The following CDKN2B-AS1 variants were observed in gnomAD, a reference collection of about 807,000 sequenced individuals.
The protein encoded by CDKN2B-AS1 is CDKN2B and CDKN2A antisense cis and trans regulatory RNA 1.
chr9:22,089,028 GTCAAC>G (rs903850394), intron 4 of CDKN2B-AS1, among the ~76,000 whole-genome samples: 9 of 152,262 alleles, frequency 5.9e-5, no homozygotes, highest in African/African-American at 2.2e-4. Context: ...TTTTTACATT[GTCAAC>G]TGTGCAAAAA....
intron 4 of CDKN2B-AS1, among the ~76,000 whole-genome samples, chr9:22,086,680 G>C (rs2131336400): frequency 6.6e-6 from 1 of 152,252 alleles, no homozygotes; most frequent in Admixed American, 6.5e-5. Context: ...CAGGGTCTGA[G>C]GCAGCTGGGA....
intron 4 of CDKN2B-AS1, among the ~76,000 whole-genome samples, chr9:22,083,345 G>C (rs1824762662): frequency 6.6e-6 from 1 of 152,332 alleles, no homozygotes; most frequent in Non-Finnish European, 1.5e-5. Flanking sequence ...AGGGGATGCA[G>C]AGTGCCCACT....
At chr9:22,118,162 C>G (rs1826002263) in intron 4 of CDKN2B-AS1, 1 of 152,224 alleles carries the variant, frequency 6.6e-6, no homozygotes, top group Non-Finnish European at 1.5e-5. Context: ...ATGAGCCATT[C>G]TCTCCACATT....
At position 22,005,112 on chromosome 9, in the gene CDKN2B-AS1, A is replaced by ATGTGTGTGTGTGTGTGTG. The variant is rs3028393; in HGVS notation, n.29+9964_29+9981dup. ...CATAAGGGGATTTCCGCATCCTAGC[A>ATGTGTGTGTGTGTGTGTG]TGTGTGTGTGTGTGTGTGTGTGTGT... On this transcript the variant is annotated intron_variant and non_coding_transcript_variant, in intron 1 of 4. Transcript: ENST00000650946. This position sits in a 1 kb window ranked among gnomAD's most constrained non-coding sequence, Gnocchi z 4.9. 6 of 222,400 alleles carry ATGTGTGTGTGTGTGTGTG rather than the reference A, an allele frequency of 2.7e-5. No homozygotes were observed. In the East Asian group the frequency reaches 3.8e-4, roughly 14 times the overall value. 13.8% of individuals were successfully genotyped at this position (222,400 alleles called of 1,614,324 possible). A position where few individuals can be genotyped will look rare whatever the true frequency, so the allele number is the denominator to read the frequency against.
At chr9:22,109,673 A>G (rs1414182020) in intron 4 of CDKN2B-AS1, among the ~76,000 whole-genome samples, 1 of 152,134 alleles carries the variant, frequency 6.6e-6, no homozygotes, top group Non-Finnish European at 1.5e-5. Flanking sequence ...ATTACATATG[A>G]GATGTCATCT....
chr9:22,078,087 C>G (rs556391792), intron 4 of CDKN2B-AS1, among the ~76,000 whole-genome samples: 109 of 152,172 alleles, frequency 7.2e-4, no homozygotes, highest in African/African-American at 2.6e-3. Flanking sequence ...CTATCCTGGT[C>G]CCTTTCTATT....
intron 4 of CDKN2B-AS1, among the ~76,000 whole-genome samples, chr9:22,101,665 A>AACACACAC (rs748040681): frequency 0.014 from 1,770 of 125,462 alleles, 37 homozygotes; most frequent in African/African-American, 0.046. Flanking sequence ...AACCCTCTTC[A>AACACACAC]ACACACACAC....
chr9:22,079,047 T>G (rs1824598609), intron 4 of CDKN2B-AS1, among the ~76,000 whole-genome samples: 1 of 152,236 alleles, frequency 6.6e-6, no homozygotes, highest in Admixed American at 6.5e-5. Flanking sequence ...TGTCAATATC[T>G]GGAAGATATT....
In CDKN2B-AS1 at chr9:22,005,716, C is replaced by A. The variant is rs1821139367; in HGVS notation, n.29+10555C>A. On this transcript the variant is annotated intron_variant and non_coding_transcript_variant, in intron 1 of 4. Coordinates refer to ENST00000650946, the Ensembl canonical transcript of CDKN2B-AS1. This position sits in a 1 kb window ranked among gnomAD's most constrained non-coding sequence, Gnocchi z 4.9. ...CAGAAAACCCTGAAAAGCAAACGAC[C>A]CCTGGAATGTCACACACTCCTAAAT... 3.5e-6 allele frequency: 2 copies of A among 569,682 alleles called. No individual in the cohort carries two copies. Among genetic ancestry groups the A allele is most frequent in the Non-Finnish European group, 3.1e-6 (1 of 318,304 alleles). 35.3% of individuals were successfully genotyped at this position (569,682 alleles called of 1,614,324 possible).
In CDKN2B-AS1 at chr9:22,006,009, A is replaced by T. The variant is rs755144182; in HGVS notation, n.29+10848A>T. 2 of 1,603,412 alleles carry T rather than the reference A, an allele frequency of 1.2e-6. No homozygotes were observed. The highest frequency in any genetic ancestry group is 1.7e-6 in the Non-Finnish European group (2 of 1,179,722). Reference sequence around the variant, plus strand: ...GCGTCAGTCCCCCGTGGCTGTGCGCAGGTACCCTGCAACGTCGCGGTGGCC... The same window carrying T: ...GCGTCAGTCCCCCGTGGCTGTGCGCTGGTACCCTGCAACGTCGCGGTGGCC... On this transcript the variant is annotated intron_variant and non_coding_transcript_variant, in intron 1 of 4. Coordinates refer to ENST00000650946, the Ensembl canonical transcript of CDKN2B-AS1. This position sits in a 1 kb window ranked among gnomAD's most constrained non-coding sequence, Gnocchi z 6.4.
chr9:22,123,377 C>G (rs536134428), intron 4 of CDKN2B-AS1, among the ~76,000 whole-genome samples: 46 of 152,232 alleles, frequency 3.0e-4, no homozygotes, highest in African/African-American at 1.0e-3. Context: ...GCTAGGACTT[C>G]CATTACTGTG....
At chr9:22,112,766 C>T (rs1206545496) in intron 4 of CDKN2B-AS1, among the ~76,000 whole-genome samples, 4 of 151,948 alleles carry the variant, frequency 2.6e-5, no homozygotes, top group Admixed American at 2.0e-4. Context: ...GTATAATTTA[C>T]CTGAAATATT....
At chr9:22,049,091 A>C (rs994048582) in intron 2 of CDKN2B-AS1, 2 of 152,110 alleles carry the variant, frequency 1.3e-5, no homozygotes, top group East Asian at 1.9e-4. Context: ...CTAATACACT[A>C]TGTGGTTCTT....
At chr9:22,088,036 G>T (rs1044917052) in intron 4 of CDKN2B-AS1, among the ~76,000 whole-genome samples, 1 of 152,150 alleles carries the variant, frequency 6.6e-6, no homozygotes, top group African/African-American at 2.4e-5. Context: ...ACAATCAGAA[G>T]AACTAAAAGA....
chr9:22,011,925 T>G (rs1304253129), intron 1 of CDKN2B-AS1, among the ~76,000 whole-genome samples: 1 of 152,186 alleles, frequency 6.6e-6, no homozygotes, highest in Non-Finnish European at 1.5e-5. Flanking sequence ...GAATTTATAA[T>G]TGAGAAGAAA....
At chr9:22,074,143 G>A (rs1824405194) in intron 4 of CDKN2B-AS1, among the ~76,000 whole-genome samples, 1 of 152,176 alleles carries the variant, frequency 6.6e-6, no homozygotes. Context: ...GATTACAGGT[G>A]TGAACCACTG....
At chr9:22,025,678 A>G (rs983869415) in intron 1 of CDKN2B-AS1, among the ~76,000 whole-genome samples, 2 of 152,176 alleles carry the variant, frequency 1.3e-5, no homozygotes, top group African/African-American at 2.4e-5. Flanking sequence ...AACAGCAAAG[A>G]TGGTGGCCTT....
chr9:22,033,339 A>G (rs1587432519), intron 1 of CDKN2B-AS1, among the ~76,000 whole-genome samples: 1 of 152,204 alleles, frequency 6.6e-6, no homozygotes, highest in Non-Finnish European at 1.5e-5. Flanking sequence ...ATGGAGGGGC[A>G]GAGCAGATGG....
chr9:22,022,182 A>G (rs1232064756), intron 1 of CDKN2B-AS1, among the ~76,000 whole-genome samples: 3 of 151,146 alleles, frequency 2.0e-5, no homozygotes, highest in African/African-American at 4.9e-5. Context: ...CATTTGATCC[A>G]GTGTTGAGTT....
Sources: allele counts gnomAD v4.1 joint callset (sites outside exome capture counted in the v4.1 genomes callset), GRCh38; gene constraint gnomAD v4.1.1; non-coding constraint Gnocchi (gnomAD v3.1); transcripts MANE v1.5; gene names NCBI Gene and HGNC (gene_info 2026-07-23, HGNC 2026-07-21).